PTPRM: variants seen among roughly 807,000 people sequenced by gnomAD.
PTPRM encodes the protein receptor-type tyrosine-protein phosphatase mu.
A neutral mutation model predicts 186.7 loss-of-function variants in PTPRM; 47 were observed. That is an observed-to-expected ratio of 0.25 (90% CI 0.20 to 0.32). The LOEUF (loss-of-function observed/expected upper bound fraction) is 0.32. Ranked by LOEUF, PTPRM falls within the 10% of genes least tolerant of loss-of-function variation. The pLI is 1.00. For missense variants in PTPRM, 1,494 were observed against 1,865.0 expected (o/e 0.80, Z 3.66); for synonymous variants, 668 against 674.9 (o/e 0.99, Z 0.16).
At chr18:8,078,562 C>CACA (rs1278257125) in intron 9 of PTPRM, among the ~76,000 whole-genome samples, 1 of 152,152 alleles carries the variant, frequency 6.6e-6, no homozygotes, top group Non-Finnish European at 1.5e-5. Context: ...AGGGAGGCAG[C>CACA]ACACAGGATA....
At chr18:7,664,059 G>C (rs1043688595) in intron 1 of PTPRM, among the ~76,000 whole-genome samples, 2 of 152,212 alleles carry the variant, frequency 1.3e-5, no homozygotes, top group African/African-American at 2.4e-5. Flanking sequence ...GATTGGGAAA[G>C]GGTAAGGGCT....
At chr18:7,841,178 T>C (rs1383088549) in intron 2 of PTPRM, among the ~76,000 whole-genome samples, 1 of 152,086 alleles carries the variant, frequency 6.6e-6, no homozygotes, top group Non-Finnish European at 1.5e-5. Context: ...ACAGGGGCTG[T>C]TCTGGAGCTT....
At chr18:7,923,965 T>C (rs1288681855) in intron 4 of PTPRM, among the ~76,000 whole-genome samples, 1 of 152,238 alleles carries the variant, frequency 6.6e-6, no homozygotes, top group Admixed American at 6.5e-5. Context: ...ATTTGTGTTA[T>C]AAATTGCAAG....
chr18:7,768,683 G>C (rs1378987292), intron 1 of PTPRM, among the ~76,000 whole-genome samples: 1 of 142,998 alleles, frequency 7.0e-6, no homozygotes, highest in African/African-American at 2.6e-5. Context: ...TTTCACTCTT[G>C]TTGCCCAGGC....
At chr18:7,774,310 A>T (rs1297567159) in intron 2 of PTPRM, 39 bp downstream of exon 2, 3 of 1,605,714 alleles carry the variant, frequency 1.9e-6, no homozygotes, top group Non-Finnish European at 2.6e-6. Flanking sequence ...AAAGAGGAAC[A>T]CAAGAGTCTC....
At chr18:7,966,592 GGTGCGCGCACC>G (rs2054082258) in intron 7 of PTPRM, among the ~76,000 whole-genome samples, 1 of 144,248 alleles carries the variant, frequency 6.9e-6, no homozygotes, top group South Asian at 2.2e-4. Context: ...CAGGTCAGTG[GGTGCGCGCACC>G]GTGCGCGAGC....
At chr18:7,805,644 T>C (rs1222265148) in intron 2 of PTPRM, among the ~76,000 whole-genome samples, 6 of 152,236 alleles carry the variant, frequency 3.9e-5, no homozygotes, top group Non-Finnish European at 1.5e-5. Flanking sequence ...AGCTGTCTTA[T>C]CTTTTAGTCT....
intron 20 of PTPRM, among the ~76,000 whole-genome samples, chr18:8,301,938 C>T (rs1250822756): frequency 5.3e-5 from 8 of 152,106 alleles, no homozygotes; most frequent in Non-Finnish European, 1.0e-4. Flanking sequence ...GGAGTGTGGC[C>T]GCCCAGGTGG....
chr18:8,079,057 T>C (rs2089987195), intron 9 of PTPRM, among the ~76,000 whole-genome samples: 1 of 152,214 alleles, frequency 6.6e-6, no homozygotes, highest in Admixed American at 6.5e-5. Context: ...TCTCTTTGCT[T>C]ATTATGAAAG....
At chr18:7,688,515 G>A (rs750633367) in intron 1 of PTPRM, among the ~76,000 whole-genome samples, 21 of 152,256 alleles carry the variant, frequency 1.4e-4, no homozygotes, top group Non-Finnish European at 1.8e-4. Context: ...TTCTTCCTGC[G>A]AAGGTCGAGG....
intron 7 of PTPRM, among the ~76,000 whole-genome samples, chr18:8,044,998 C>T (rs2086945551): frequency 6.6e-6 from 1 of 152,094 alleles, no homozygotes; most frequent in Non-Finnish European, 1.5e-5. Flanking sequence ...AATTCTACTT[C>T]TAGCTAGGTA....
chr18:8,390,772 CA>C (rs1407922290), intron 31 of PTPRM, among the ~76,000 whole-genome samples: 1 of 151,776 alleles, frequency 6.6e-6, no homozygotes, highest in Non-Finnish European at 1.5e-5. Flanking sequence ...ACTGAAACTA[CA>C]AAAAATTAGC....
At chr18:8,329,578 G>C (rs2095399971) in intron 22 of PTPRM, among the ~76,000 whole-genome samples, 1 of 152,166 alleles carries the variant, frequency 6.6e-6, no homozygotes, top group Non-Finnish European at 1.5e-5. Flanking sequence ...CTGGCAACAT[G>C]AGTCCTTGCA....
intron 5 of PTPRM, among the ~76,000 whole-genome samples, chr18:7,926,979 A>G (rs2051209595): frequency 6.6e-6 from 1 of 151,670 alleles, no homozygotes; most frequent in Non-Finnish European, 1.5e-5. Flanking sequence ...TCTTCTCCTA[A>G]GTCTTCCTCT....
chr18:7,618,601 A>G (rs2037862997), intron 1 of PTPRM, among the ~76,000 whole-genome samples: 2 of 152,210 alleles, frequency 1.3e-5, no homozygotes, highest in African/African-American at 4.8e-5. Flanking sequence ...CACATCTACT[A>G]TCTTTCAGAA....
intron 2 of PTPRM, among the ~76,000 whole-genome samples, chr18:7,826,497 A>G (rs1396812709): frequency 1.3e-5 from 2 of 152,240 alleles, no homozygotes; most frequent in South Asian, 2.1e-4. Context: ...TGAACTGGAC[A>G]TAGAAAAGTG....
At chr18:7,865,258 G>C (rs1317317073) in intron 2 of PTPRM, among the ~76,000 whole-genome samples, 1 of 152,116 alleles carries the variant, frequency 6.6e-6, no homozygotes, top group Non-Finnish European at 1.5e-5. Flanking sequence ...GTGAGAGAGG[G>C]CATCTTTGTC....
At chr18:8,341,552 G>A (rs1270909962) in intron 22 of PTPRM, among the ~76,000 whole-genome samples, 1 of 152,170 alleles carries the variant, frequency 6.6e-6, no homozygotes, top group African/African-American at 2.4e-5. Context: ...AAGGGAAGTG[G>A]CTTTGCTCTT....
chr18:7,731,024 T>G (rs975374687), intron 1 of PTPRM, among the ~76,000 whole-genome samples: 2 of 152,196 alleles, frequency 1.3e-5, no homozygotes, highest in Admixed American at 6.5e-5. Context: ...CTATCATAAT[T>G]TAACCGATGA....
Sources: allele counts gnomAD v4.1 joint callset (sites outside exome capture counted in the v4.1 genomes callset), GRCh38; gene constraint gnomAD v4.1.1; transcripts MANE v1.5; gene names NCBI Gene and HGNC (gene_info 2026-07-23, HGNC 2026-07-21).